GIPC3: variants seen among roughly 807,000 people sequenced by gnomAD.
GIPC3 encodes the protein GIPC PDZ domain containing family member 3.
A neutral mutation model predicts 27.3 loss-of-function variants in GIPC3; 16 were observed. The ratio of observed to expected loss-of-function variants is 0.59; its 90% CI spans 0.40 to 0.89. GIPC3 has a LOEUF of 0.89. Among genes scored for constraint, GIPC3 ranks in the 40% least tolerant of loss-of-function variants. The pLI, the probability that GIPC3 is intolerant of heterozygous loss-of-function variation, is 0.00. For synonymous variants in GIPC3, 194 were observed against 184.6 expected, an observed-to-expected ratio of 1.05 and a Z score of -0.41; for missense variants, 440 against 442.1, an observed-to-expected ratio of 1.00 and a Z score of 0.04.
chr19:3,588,640 CAAAAAAAAAAAAA>C (rs969668918), intron 3 of GIPC3, among the ~76,000 whole-genome samples: 5 of 73,992 alleles, frequency 6.8e-5, no homozygotes, highest in Non-Finnish European at 1.4e-4. Flanking sequence ...TCCATCGTAT[CAAAAAAAAAAAAA>C]AAAAAACCTG....
In GIPC3 at chr19:3,589,818, C is replaced by A; in HGVS notation, c.706-13C>A. The A allele has an allele frequency of 1.2e-6, 2 of 1,612,906 alleles. No individual in the cohort carries two copies. The highest frequency in any genetic ancestry group is 3.4e-4 in the Middle Eastern group (2 of 5,892). Reference sequence around the variant, plus strand: ...AGCTTTTCACCCCTGACTTCCCTCCCGTGTGCCCCCAGCCCAGTGAGTTTG... The same window carrying A: ...AGCTTTTCACCCCTGACTTCCCTCCAGTGTGCCCCCAGCCCAGTGAGTTTG... On this transcript the variant is annotated splice_polypyrimidine_tract_variant and intron_variant, in intron 4 of 5. Coordinates refer to ENST00000644452, the MANE Select transcript of GIPC3 (RefSeq NM_133261.3).
rs558037005 is a variant in GIPC3, at chr19:3,590,256, A to G, written c.*66A>G. The G allele has an allele frequency of 6.5e-6, 10 of 1,537,026 alleles. No homozygotes were observed. In the South Asian group the frequency reaches 1.2e-4, roughly 18 times the overall value. Reference sequence around the variant, plus strand: ...CAGCCCCCTGCCCCGGCCCTGCTCCAGAACCCAGCCCAGATCGGAGGACAA... The same window carrying G: ...CAGCCCCCTGCCCCGGCCCTGCTCCGGAACCCAGCCCAGATCGGAGGACAA... On this transcript the variant is annotated 3_prime_UTR_variant, in exon 6 of 6. Coordinates refer to ENST00000644452, the MANE Select transcript of GIPC3 (RefSeq NM_133261.3).
In GIPC3 at chr19:3,586,658, G is replaced by C; in HGVS notation, c.389G>C (p.Gly130Ala). 7.4e-6 allele frequency: 12 copies of C among 1,612,858 alleles called. No homozygotes were observed. Among genetic ancestry groups the C allele is most frequent in the Non-Finnish European group, 1.0e-5 (12 of 1,179,510 alleles). ...DALGLTITDN[G>A]AGYAFIKRIK... ...CTGGGGCTGACCATCACGGACAACG[G>C]GGCTGGCTACGCCTTCATCAAGGTG... The change falls in exon 2 of 6, where the codon GGG (glycine) becomes GCG (alanine). Residue 130 changes from glycine (G) to alanine (A), a missense_variant. Physicochemically the swap from Gly to Ala is moderately conservative, Grantham distance 60. Transcript: ENST00000644452.
Position 3,586,598 on chromosome 19 carries a change from C to T in GIPC3, c.329C>T (p.Thr110Ile). 2 of 1,613,764 alleles carry T rather than the reference C, an allele frequency of 1.2e-6. No homozygotes were observed. The highest frequency in any genetic ancestry group is 1.1e-5 in the South Asian group (1 of 91,082). ...DFIFAHVRGE[T>I]KEVEVTKTED... ...ATCTTTGCCCACGTGCGAGGCGAGA[C>T]CAAGGAGGTGGAGGTCACTAAGACA... is the stretch of plus-strand genomic sequence containing the variant. The change falls in exon 2 of 6, where the codon ACC becomes ATC. Residue 110 changes from threonine (T) to isoleucine (I), a missense_variant. Physicochemically the swap from Thr to Ile is moderately conservative, Grantham distance 89 (BLOSUM62 -1). Coordinates refer to ENST00000644452, the MANE Select transcript of GIPC3 (RefSeq NM_133261.3).
chr19:3,589,582 A>C, intron 4 of GIPC3, 27 bp downstream of exon 4: 1 of 1,543,898 alleles, frequency 6.5e-7, no homozygotes, highest in Non-Finnish European at 9.0e-7. Context: ...GGCTCTCCCC[A>C]GGCTTCTGCA....
In GIPC3 at chr19:3,586,892, T is replaced by A. The variant is rs2032377137; in HGVS notation, c.490T>A (p.Ser164Thr). The A allele has an allele frequency of 6.2e-7, 1 of 1,613,070 alleles. No individual in the cohort carries two copies. The highest frequency in any genetic ancestry group is 1.7e-5 in the Admixed American group (1 of 59,996). The change falls in exon 3 of 6, where the codon TCC (serine) becomes ACC (threonine). Residue 164 changes from serine (S) to threonine (T), a missense_variant. Transcript: ENST00000644452. ...GDSIEAINDH[S>T]IVGCRHYEVA... ...CAGCATCGAAGCCATCAACGACCAC[T>A]CCATTGTGGGCTGCCGCCACTACGA...
Position 3,591,616 on chromosome 19 carries a change from C to T in GIPC3, c.*1426C>T. On this transcript the variant is annotated 3_prime_UTR_variant, in exon 6 of 6. Coordinates refer to ENST00000644452, the MANE Select transcript of GIPC3 (RefSeq NM_133261.3). ...ATCAAATCCTATTCAAGAACTCAGACCAGCTCAGAAACCCAGGTCCACACG... is the reference window on the plus strand; with the variant it reads ...ATCAAATCCTATTCAAGAACTCAGATCAGCTCAGAAACCCAGGTCCACACG... 1 of 1,233,328 alleles carries T rather than the reference C, an allele frequency of 8.1e-7. No homozygotes were observed. The highest frequency in any genetic ancestry group is 3.2e-5 in the East Asian group (1 of 31,732). The allele number at this position is 1,233,328 out of a possible 1,614,324, so 76.4% of individuals were successfully genotyped here. A position where few individuals can be genotyped will look rare whatever the true frequency, so the allele number is the denominator to read the frequency against.
In GIPC3 at chr19:3,589,458, G is replaced by A. The variant is rs758494019; in HGVS notation, c.608G>A (p.Arg203Lys). The change falls in exon 4 of 6, where the codon AGA (arginine) becomes AAA (lysine). Residue 203 changes from arginine (R) to lysine (K), a missense_variant. By Grantham distance (26) the Arg-to-Lys change is conservative. Transcript: ENST00000644452. ...PKRAFDMIGQ[R>K]SRSSKCPVEA... ...TTCCCTCCAGATATGATTGGCCAGA[G>A]AAGTCGGTCCAGCAAATGTCCAGTA... 2.5e-6 allele frequency: 4 copies of A among 1,613,832 alleles called. No homozygotes were observed. Among genetic ancestry groups the A allele is most frequent in the Non-Finnish European group, 3.4e-6 (4 of 1,179,896 alleles).
rs775257837 is a variant in GIPC3, at chr19:3,589,281, T to C, written c.593-162T>C. On this transcript the variant is annotated intron_variant, in intron 3 of 5. Transcript: ENST00000644452. Reference sequence around the variant, plus strand: ...GATTTAGTTTGCTGGGGATGCGAAGTGTGGAATCTCGAATAGGTCTCTGGA... The same window carrying C: ...GATTTAGTTTGCTGGGGATGCGAAGCGTGGAATCTCGAATAGGTCTCTGGA... 5.9e-4 allele frequency among the ~76,000 whole-genome samples: 89 copies of C among 152,122 alleles called. 1 individual carries two copies. Among genetic ancestry groups the C allele is most frequent in the Non-Finnish European group, 2.5e-4 (17 of 68,028 alleles).
Position 3,590,939 on chromosome 19 carries a change from T to C in GIPC3, c.*749T>C. On this transcript the variant is annotated 3_prime_UTR_variant, in exon 6 of 6. Transcript: ENST00000644452. The stretch of plus-strand genomic sequence containing the variant: ...CCAGCTCTAGAACTCAGATGAGCTC[T>C]GAGACAGAGCCCAGTATTGAGACCA... 1 of 1,233,890 alleles carries C rather than the reference T, an allele frequency of 8.1e-7. No homozygotes were observed. Among genetic ancestry groups the C allele is most frequent in the Non-Finnish European group, 1.0e-6 (1 of 989,372 alleles). 76.4% of individuals were successfully genotyped at this position (1,233,890 alleles called of 1,614,324 possible).
Position 3,593,121 on chromosome 19 carries a change from C to G in GIPC3, c.*2931C>G. 2.4e-6 allele frequency: 3 copies of G among 1,232,522 alleles called. No homozygotes were observed. Among genetic ancestry groups the G allele is most frequent in the Non-Finnish European group, 3.0e-6 (3 of 988,340 alleles). 76.3% of individuals were successfully genotyped at this position (1,232,522 alleles called of 1,614,324 possible). A position where few individuals can be genotyped will look rare whatever the true frequency, so the allele number is the denominator to read the frequency against. On this transcript the variant is annotated 3_prime_UTR_variant, in exon 6 of 6. Coordinates refer to ENST00000644452, the MANE Select transcript of GIPC3 (RefSeq NM_133261.3). Reference sequence around the variant, plus strand: ...GAAGCCAGCCGTCTCTCCCAAGCCCCGGGTGGGACCCCAGAAGTCCACCCC... The same window carrying G: ...GAAGCCAGCCGTCTCTCCCAAGCCCGGGGTGGGACCCCAGAAGTCCACCCC...
chr19:3,587,026 C>G (rs1568277489), intron 3 of GIPC3, 32 bp downstream of exon 3: 1 of 1,592,932 alleles, frequency 6.3e-7, no homozygotes, highest in East Asian at 2.3e-5. Flanking sequence ...GAGCTCTTCC[C>G]GAAGTGCGTT....
Position 3,586,621 on chromosome 19 carries a change from A to T in GIPC3, c.352A>T (p.Thr118Ser). Residue 118 changes from threonine to serine, a missense_variant, in exon 2 of 6, where the codon ACA becomes TCA. By Grantham distance (58) the Thr-to-Ser change is moderately conservative. Coordinates refer to ENST00000644452, the MANE Select transcript of GIPC3 (RefSeq NM_133261.3). Reference protein sequence around the residue: ...GETKEVEVTKTEDALGLTITD... With the variant: ...GETKEVEVTKSEDALGLTITD... Reference sequence around the variant, plus strand: ...GACCAAGGAGGTGGAGGTCACTAAGACAGAGGATGCTCTGGGGCTGACCAT... The same window carrying T: ...GACCAAGGAGGTGGAGGTCACTAAGTCAGAGGATGCTCTGGGGCTGACCAT... 1 of 1,612,154 alleles carries T rather than the reference A, an allele frequency of 6.2e-7. No homozygotes were observed. The highest frequency in any genetic ancestry group is 8.5e-7 in the Non-Finnish European group (1 of 1,179,310).
intron 3 of GIPC3, 97 bp downstream of exon 3, chr19:3,587,091 AG>A: frequency 8.7e-7 from 1 of 1,152,302 alleles, no homozygotes; most frequent in Non-Finnish European, 1.2e-6. Context: ...GGAAGGTTCT[AG>A]GTGCACCCGC....
Position 3,589,963 on chromosome 19 carries a change from G to C in GIPC3, c.787+51G>C, listed in dbSNP as rs768860108. The C allele has an allele frequency of 4.6e-5, 74 of 1,613,170 alleles. No homozygotes were observed. The Middle Eastern group carries it at 6.6e-4, about 14-fold the overall frequency. ...GCCCTGGGGGGAGGGAAGCCTACGG[G>C]AGGAGGCAGGGGTCCCAGCGGGAAG... On this transcript the variant is annotated intron_variant, in intron 5 of 5. Transcript: ENST00000644452.
In GIPC3 at chr19:3,593,440, G is replaced by C; in HGVS notation, c.*3250G>C. ...GAAAACAGGGGCTTCACCGGTCCTGGCTCAGATCCAGGTCCTTGGAGGGAA... is the reference window on the plus strand; with the variant it reads ...GAAAACAGGGGCTTCACCGGTCCTGCCTCAGATCCAGGTCCTTGGAGGGAA... On this transcript the variant is annotated 3_prime_UTR_variant, in exon 6 of 6. Coordinates refer to ENST00000644452, the MANE Select transcript of GIPC3 (RefSeq NM_133261.3). 1 of 630,466 alleles carries C rather than the reference G, an allele frequency of 1.6e-6. No homozygotes were observed. Among genetic ancestry groups the C allele is most frequent in the Non-Finnish European group, 2.3e-6 (1 of 438,964 alleles). The allele number at this position is 630,466 out of a possible 1,614,324, so 39.1% of individuals were successfully genotyped here.
Position 3,585,838 on chromosome 19 carries a change from A to C in GIPC3, c.225+16A>C. 1.9e-6 allele frequency: 3 copies of C among 1,538,838 alleles called. No homozygotes were observed. Among genetic ancestry groups the C allele is most frequent in the Non-Finnish European group, 2.6e-6 (3 of 1,144,574 alleles). ...GCCCACCGAGGTAAGGAGCCCGGAC[A>C]CCGGCGCCCAAGACCACCCGCCTGA... On this transcript the variant is annotated intron_variant, in intron 1 of 5. Transcript: ENST00000644452.
intron 3 of GIPC3, 49 bp downstream of exon 3, chr19:3,587,043 A>T (rs2032382579): frequency 1.3e-6 from 2 of 1,555,832 alleles, no homozygotes; most frequent in African/African-American, 2.7e-5. Flanking sequence ...CGTTCTACGG[A>T]TGCCTGGGGT....
intron 4 of GIPC3, 34 bp downstream of exon 4, chr19:3,589,589 T>TG: frequency 6.5e-7 from 1 of 1,542,844 alleles, no homozygotes; most frequent in Middle Eastern, 1.7e-4. Context: ...CCCAGGCTTC[T>TG]GCACCTTCAG....
Sources: allele counts gnomAD v4.1 joint callset (sites outside exome capture counted in the v4.1 genomes callset), GRCh38; gene constraint gnomAD v4.1.1; transcripts MANE v1.5; gene names NCBI Gene and HGNC (gene_info 2026-07-23, HGNC 2026-07-21).